DNAI4: variants seen among roughly 807,000 people sequenced by gnomAD.
The protein encoded by DNAI4 is dynein axonemal intermediate chain 4.
A neutral mutation model predicts 105.8 loss-of-function variants in DNAI4; 85 were observed. The ratio of observed to expected loss-of-function variants is 0.80; its 90% CI spans 0.67 to 0.96. The LOEUF (loss-of-function observed/expected upper bound fraction) is 0.96. DNAI4 is among the 40% of genes least tolerant of loss of function. The pLI, the probability that DNAI4 is intolerant of heterozygous loss-of-function variation, is 0.00. For missense variants in DNAI4, 1,014 were observed against 1,005.6 expected (o/e 1.01, Z -0.11); for synonymous variants, 352 against 331.5 (o/e 1.06, Z -0.67).
chr1:66,924,678 G>C lies in DNAI4; in HGVS notation c.154C>G (p.Gln52Glu). The change falls in exon 1 of 17, where the codon CAG becomes GAG. Residue 52 changes from glutamine to glutamate, a missense_variant. Physicochemically the swap from Gln to Glu is conservative, Grantham distance 29. Transcript: ENST00000371026. ...GGAACTTACAACCCGAAGTTCTGCT[G>C]CTTGTGACTGCCTGCCGGAGAGACT... is the stretch of plus-strand genomic sequence containing the variant. ...MPVSPAGSHK[Q>E]QNFGLNNATQ... 6.2e-7 allele frequency: 1 copy of C among 1,614,248 alleles called. No individual in the cohort carries two copies. Among genetic ancestry groups the C allele is most frequent in the South Asian group, 1.1e-5 (1 of 91,086 alleles).
rs766952352 is a variant in DNAI4 at position 66,924,745 on chromosome 1, T to C, written c.87A>G (p.Lys29=). 1 of 1,614,186 alleles carries C rather than the reference T, an allele frequency of 6.2e-7. No individual in the cohort carries two copies. The highest frequency in any genetic ancestry group is 1.7e-5 in the Admixed American group (1 of 60,030). Residue 29 remains lysine, a synonymous_variant, in exon 1 of 17, where the codon AAA becomes AAG. Transcript: ENST00000371026. ...WGYRDFRGGQ[K]KGWCTTPQLV... The stretch of plus-strand genomic sequence containing the variant: ...GCTGGGGAGTGGTGCACCACCCCTT[T>C]TTTTGGCCGCCTCTGAAGTCCCTGT...
chr1:66,836,306 AAG>A (rs1181088448), intron 10 of DNAI4, among the ~76,000 whole-genome samples: 1 of 149,602 alleles, frequency 6.7e-6, no homozygotes, highest in African/African-American at 2.5e-5. Flanking sequence ...GAAAGAAAGA[AAG>A]AAAGAAAGAA....
At chr1:66,892,977 GA>G (rs1306599136) in intron 3 of DNAI4, among the ~76,000 whole-genome samples, 107 of 128,458 alleles carry the variant, frequency 8.3e-4, no homozygotes, top group African/African-American at 1.7e-3. Context: ...AAGAAAGAAA[GA>G]AAGAAAGAAA....
chr1:66,845,294 A>T (rs1646253480), intron 8 of DNAI4, among the ~76,000 whole-genome samples: 1 of 151,812 alleles, frequency 6.6e-6, no homozygotes, highest in South Asian at 2.1e-4. Flanking sequence ...AAGATATTCA[A>T]GTGACCAAAA....
chr1:66,916,161 G>C (rs1650058792), intron 1 of DNAI4, among the ~76,000 whole-genome samples: 3 of 95,096 alleles, frequency 3.2e-5, no homozygotes, highest in African/African-American at 8.3e-5. Flanking sequence ...AAGAAGGAGG[G>C]ATGTTCAGGA....
intron 4 of DNAI4, among the ~76,000 whole-genome samples, chr1:66,879,125 G>T (rs1647015688): frequency 6.6e-6 from 1 of 152,078 alleles, no homozygotes; most frequent in Non-Finnish European, 1.5e-5. Context: ...CACCATTATA[G>T]TATCTATACA....
At position 66,813,648 on chromosome 1, in the gene DNAI4, A is replaced by T. The variant is rs1312161794; in HGVS notation, c.*482T>A. ...CGGCTCTTAGATCTAAGAGGATAAA[A>T]TGTTAGGTACAAGAATCCATTATTT... On this transcript the variant is annotated 3_prime_UTR_variant, in exon 17 of 17. Transcript: ENST00000371026. 1 of 152,474 alleles carries T rather than the reference A, an allele frequency of 6.6e-6. No individual in the cohort carries two copies. Among genetic ancestry groups the T allele is most frequent in the Non-Finnish European group, 1.5e-5 (1 of 68,110 alleles). The allele number at this position is 152,474 out of a possible 1,614,324, so 9.4% of individuals were successfully genotyped here.
chr1:66,903,407 T>TTG (rs144692335), intron 2 of DNAI4, among the ~76,000 whole-genome samples: 8 of 152,106 alleles, frequency 5.3e-5, no homozygotes, highest in South Asian at 2.1e-4. Flanking sequence ...AATTTTTTAG[T>TTG]TGTGTGTGTG....
chr1:66,862,113 T>C, intron 7 of DNAI4, 34 bp downstream of exon 7: 1 of 1,546,332 alleles, frequency 6.5e-7, no homozygotes, highest in Non-Finnish European at 8.7e-7. Context: ...CATGTTAAAG[T>C]CATTCAAAAA....
intron 5 of DNAI4, among the ~76,000 whole-genome samples, chr1:66,873,014 G>C (rs1393537550): frequency 6.6e-6 from 1 of 151,978 alleles, no homozygotes; most frequent in Non-Finnish European, 1.5e-5. Context: ...CACCCGGCCT[G>C]ACAGTTTCTT....
intron 2 of DNAI4, among the ~76,000 whole-genome samples, chr1:66,904,261 T>G (rs1205575209): frequency 6.6e-6 from 1 of 152,140 alleles, no homozygotes; most frequent in Non-Finnish European, 1.5e-5. Flanking sequence ...CTGGATGATA[T>G]AGTAGGTATA....
chr1:66,866,887 T>C (rs1646745533), intron 6 of DNAI4, among the ~76,000 whole-genome samples: 1 of 152,198 alleles, frequency 6.6e-6, no homozygotes, highest in South Asian at 2.1e-4. Flanking sequence ...GAATTTTAAT[T>C]GACTCACAGT....
intron 15 of DNAI4, among the ~76,000 whole-genome samples, chr1:66,825,135 T>C (rs11208963): frequency 0.47 from 70,241 of 150,014 alleles, 17,048 homozygotes; most frequent in South Asian, 0.6. Context: ...TCTCTGGAGA[T>C]CCCTAACACA....
At chr1:66,864,589 C>T (rs1428604701) in intron 6 of DNAI4, among the ~76,000 whole-genome samples, 11 of 152,306 alleles carry the variant, frequency 7.2e-5, no homozygotes, top group East Asian at 3.9e-4. Context: ...CGGTGGCTCA[C>T]GCCTGTAATC....
intron 13 of DNAI4, among the ~76,000 whole-genome samples, chr1:66,830,737 C>T (rs1645848598): frequency 6.6e-6 from 1 of 151,226 alleles, no homozygotes; most frequent in African/African-American, 2.4e-5. Context: ...GCCAAGATCA[C>T]TCCACTGCAC....
intron 1 of DNAI4, among the ~76,000 whole-genome samples, chr1:66,912,451 CAG>C (rs1029262169): frequency 6.6e-6 from 1 of 151,584 alleles, no homozygotes; most frequent in African/African-American, 2.4e-5. Flanking sequence ...CTTGGGGCGA[CAG>C]AGTGCGACTG....
At position 66,875,971 on chromosome 1, in the gene DNAI4, T is replaced by C. The variant is rs180941644; in HGVS notation, c.644-1034A>G. On this transcript the variant is annotated intron_variant, in intron 4 of 16. Transcript: ENST00000371026. ...GCAGCCCAGAACATGATCTGTACTA[T>C]GGTAATAAGAATGTAAAATATTATG... Among the ~76,000 whole-genome samples, 63 of 152,264 alleles carry C rather than the reference T, an allele frequency of 4.1e-4. 2 individuals carry two copies. In the East Asian group the frequency reaches 7.3e-3, roughly 18 times the overall value.
intron 2 of DNAI4, among the ~76,000 whole-genome samples, chr1:66,895,974 G>A (rs538596227): frequency 6.6e-6 from 1 of 152,146 alleles, no homozygotes; most frequent in East Asian, 1.9e-4. Flanking sequence ...ATATTTTATT[G>A]AGGATTTCTC....
chr1:66,900,540 G>A (rs1487399152), intron 2 of DNAI4, among the ~76,000 whole-genome samples: 1 of 152,120 alleles, frequency 6.6e-6, no homozygotes, highest in Non-Finnish European at 1.5e-5. Flanking sequence ...ATGACCATGG[G>A]ATACTTTCCC....
Sources: allele counts gnomAD v4.1 joint callset (sites outside exome capture counted in the v4.1 genomes callset), GRCh38; gene constraint gnomAD v4.1.1; transcripts MANE v1.5; gene names NCBI Gene and HGNC (gene_info 2026-07-23, HGNC 2026-07-21).